Variants in COL4A2 observed in about 807,000 individuals in gnomAD.
The protein encoded by COL4A2 is collagen type IV alpha 2 chain, also known as collagen alpha-2(IV) chain.
Under a neutral mutation model 200.2 loss-of-function variants are expected in COL4A2, and 99 were observed. The observed-to-expected ratio is 0.49, with a 90% CI of 0.42 to 0.58. COL4A2 has a LOEUF of 0.58. Ranked by LOEUF, COL4A2 falls within the 20% of genes least tolerant of loss-of-function variation. COL4A2 has a pLI of 0.00. For synonymous variants in COL4A2, 897 were observed against 900.6 expected (o/e 1.00, Z 0.07); for missense variants, 1,950 against 2,314.1 (o/e 0.84, Z 3.23).
At chr13:110,342,548 A>C (rs559939204) in intron 3 of COL4A2, among the ~76,000 whole-genome samples, 16 of 152,268 alleles carry the variant, frequency 1.1e-4, no homozygotes, top group African/African-American at 3.9e-4. Flanking sequence ...TCCTGCCGGG[A>C]GCCGGGCACT....
chr13:110,340,769 C>T (rs994676149), intron 3 of COL4A2, among the ~76,000 whole-genome samples: 7 of 152,128 alleles, frequency 4.6e-5, no homozygotes, highest in South Asian at 2.1e-4. Context: ...TTAAGTTCCC[C>T]GAGAGCAAAC....
chr13:110,408,589 C>T (rs1267474668), intron 4 of COL4A2, among the ~76,000 whole-genome samples: 1 of 152,146 alleles, frequency 6.6e-6, no homozygotes, highest in African/African-American at 2.4e-5. Context: ...TGGCCATCGT[C>T]GGGGTCATGG....
At chr13:110,483,078 A>G (rs145344648) in intron 32 of COL4A2, among the ~76,000 whole-genome samples, 61 of 152,306 alleles carry the variant, frequency 4.0e-4, no homozygotes, top group Non-Finnish European at 7.3e-4. Context: ...GGTGCCAGAG[A>G]GAACGTGGTC....
intron 32 of COL4A2, among the ~76,000 whole-genome samples, chr13:110,484,213 C>A (rs1883033665): frequency 6.6e-6 from 1 of 152,124 alleles, no homozygotes; most frequent in African/African-American, 2.4e-5. Context: ...CTGGTGGGCA[C>A]GCTCTGTGGG....
chr13:110,503,330 G>A (rs1389379002), intron 42 of COL4A2, 48 bp downstream of exon 42: 2 of 1,589,478 alleles, frequency 1.3e-6, no homozygotes, highest in Admixed American at 1.8e-5. Flanking sequence ...CACAGTGAGA[G>A]GAGCCCCCTC....
intron 3 of COL4A2, among the ~76,000 whole-genome samples, chr13:110,336,680 G>T (rs1282524337): frequency 2.0e-5 from 3 of 152,202 alleles, no homozygotes; most frequent in Non-Finnish European, 4.4e-5. Flanking sequence ...ATGGACCTCA[G>T]GGGGTGGCAT....
chr13:110,466,918 C>G, intron 26 of COL4A2, 122 bp from the exon 27 acceptor site: 1 of 1,219,252 alleles, frequency 8.2e-7, no homozygotes, highest in South Asian at 1.4e-5. Flanking sequence ...CATTAAGTTA[C>G]TCTGATCCCA....
intron 3 of COL4A2, among the ~76,000 whole-genome samples, chr13:110,343,612 G>A (rs1262195130): frequency 1.3e-5 from 2 of 152,206 alleles, no homozygotes; most frequent in Admixed American, 1.3e-4. Context: ...AAAGCCCCTG[G>A]GACTTTGATG....
At chr13:110,395,561 TGTG>T (rs1879154529) in intron 4 of COL4A2, among the ~76,000 whole-genome samples, 2 of 152,228 alleles carry the variant, frequency 1.3e-5, no homozygotes, top group South Asian at 2.1e-4. Context: ...CATTTTTAGA[TGTG>T]GTCATTATAT....
intron 45 of COL4A2, among the ~76,000 whole-genome samples, chr13:110,505,133 A>T (rs113771884): frequency 2.2e-4 from 33 of 150,820 alleles, no homozygotes; most frequent in Admixed American, 1.5e-3. Flanking sequence ...GGCGGATCAC[A>T]AGGGCAGGAG....
At chr13:110,478,203 A>G (rs186773088) in intron 30 of COL4A2, 39 bp downstream of exon 30, 8 of 1,489,088 alleles carry the variant, frequency 5.4e-6, no homozygotes, top group East Asian at 2.5e-5. Context: ...TGGGGTCCTC[A>G]CTGGTCCTGC....
chr13:110,501,560 C>G, intron 40 of COL4A2, 108 bp from the exon 41 acceptor site: 1 of 1,006,174 alleles, frequency 9.9e-7, no homozygotes. Flanking sequence ...ATCACTGTCT[C>G]GCTCGCTAGG....
At chr13:110,505,945 G>A (rs1347073957) in intron 45 of COL4A2, among the ~76,000 whole-genome samples, 1 of 152,154 alleles carries the variant, frequency 6.6e-6, no homozygotes, top group African/African-American at 2.4e-5. Context: ...TGTGCCCAGT[G>A]CCCTCACTGC....
intron 37 of COL4A2, among the ~76,000 whole-genome samples, chr13:110,491,622 G>A (rs1883286779): frequency 6.6e-6 from 1 of 152,148 alleles, no homozygotes; most frequent in African/African-American, 2.4e-5. Context: ...CGGTTTGTAA[G>A]GGATCCCTTT....
In COL4A2 at chr13:110,307,352, A is replaced by G; in HGVS notation, c.-221A>G. 1 of 268,942 alleles carries G rather than the reference A, an allele frequency of 3.7e-6. No individual in the cohort carries two copies. Among genetic ancestry groups the G allele is most frequent in the Non-Finnish European group, 6.9e-6 (1 of 144,042 alleles). 16.7% of individuals were successfully genotyped at this position (268,942 alleles called of 1,614,324 possible). A position where few individuals can be genotyped will look rare whatever the true frequency, so the allele number is the denominator to read the frequency against. ...GCACTCAAGAGGCTCCCGCGTCCCA[A>G]CCCCTCGCGCCCGCGCGTTCGCGGA... On this transcript the variant is annotated 5_prime_UTR_variant, in exon 1 of 48. Coordinates refer to ENST00000360467, the MANE Select transcript of COL4A2 (RefSeq NM_001846.4). This position sits in a 1 kb window ranked among gnomAD's most constrained non-coding sequence, Gnocchi z 5.0.
chr13:110,454,900 G>A (rs1320707386), intron 20 of COL4A2, among the ~76,000 whole-genome samples: 1 of 152,076 alleles, frequency 6.6e-6, no homozygotes, highest in Non-Finnish European at 1.5e-5. Flanking sequence ...GGAGCTCTGG[G>A]CCTCCTCCGT....
At chr13:110,388,030 A>G (rs1878830839) in intron 4 of COL4A2, among the ~76,000 whole-genome samples, 1 of 152,196 alleles carries the variant, frequency 6.6e-6, no homozygotes, top group Non-Finnish European at 1.5e-5. Context: ...ATGACTGAAA[A>G]TGGACTAAAT....
chr13:110,396,288 C>T (rs9559788), intron 4 of COL4A2, among the ~76,000 whole-genome samples: 48,341 of 152,008 alleles, frequency 0.32, 7,871 homozygotes, highest in East Asian at 0.47. Context: ...GACTGAATCT[C>T]GCAGATTGAG....
intron 28 of COL4A2, among the ~76,000 whole-genome samples, chr13:110,470,346 T>A (rs948695541): frequency 1.3e-5 from 2 of 152,156 alleles, no homozygotes; most frequent in Non-Finnish European, 2.9e-5. Flanking sequence ...GTCCCACTTG[T>A]CACCTAGAAC....
Sources: allele counts gnomAD v4.1 joint callset (sites outside exome capture counted in the v4.1 genomes callset), GRCh38; gene constraint gnomAD v4.1.1; non-coding constraint Gnocchi (gnomAD v3.1); transcripts MANE v1.5; gene names NCBI Gene and HGNC (gene_info 2026-07-23, HGNC 2026-07-21).